AGBL4: variants seen among roughly 807,000 people sequenced by gnomAD.
AGBL4 encodes cytosolic carboxypeptidase 6.
A neutral mutation model predicts 66.4 loss-of-function variants in AGBL4; 58 were observed. That is an observed-to-expected ratio of 0.87 (90% CI 0.71 to 1.09). The LOEUF (loss-of-function observed/expected upper bound fraction) is 1.09, where lower values mean the gene tolerates loss of function less well. AGBL4 is among the 50% of genes least tolerant of loss of function. AGBL4 has a pLI of 0.00. For missense variants in AGBL4, 579 were observed against 631.0 expected, an observed-to-expected ratio of 0.92 and a Z score of 0.88; for synonymous variants, 234 against 222.9, an observed-to-expected ratio of 1.05 and a Z score of -0.44.
At chr1:49,549,517 C>T (rs1246501106) in intron 3 of AGBL4, among the ~76,000 whole-genome samples, 1 of 152,030 alleles carries the variant, frequency 6.6e-6, no homozygotes, top group Non-Finnish European at 1.5e-5. Context: ...TCTTAATCTC[C>T]ACCTTGATTT....
At chr1:48,701,489 T>G (rs762515176) in intron 6 of AGBL4, among the ~76,000 whole-genome samples, 1 of 151,944 alleles carries the variant, frequency 6.6e-6, no homozygotes, top group African/African-American at 2.4e-5. Flanking sequence ...TAGAGATAGA[T>G]CTCATTGTAT....
intron 6 of AGBL4, among the ~76,000 whole-genome samples, chr1:48,699,865 T>C (rs142804078): frequency 6.6e-6 from 1 of 152,054 alleles, no homozygotes; most frequent in Non-Finnish European, 1.5e-5. Context: ...TGCTCTGGGA[T>C]AACCCAAACC....
At chr1:49,831,752 T>C (rs1418420743) in intron 2 of AGBL4, among the ~76,000 whole-genome samples, 1 of 152,172 alleles carries the variant, frequency 6.6e-6, no homozygotes, top group Non-Finnish European at 1.5e-5. Context: ...GGGTTTGTCA[T>C]AAATAGCTCT....
chr1:49,304,428 G>T (rs1168432919), intron 3 of AGBL4, among the ~76,000 whole-genome samples: 1 of 152,174 alleles, frequency 6.6e-6, no homozygotes, highest in South Asian at 2.1e-4. Context: ...CACATAAGAG[G>T]TATTAGACTG....
At chr1:49,969,087 C>A (rs1307142714) in intron 1 of AGBL4, among the ~76,000 whole-genome samples, 8 of 152,132 alleles carry the variant, frequency 5.3e-5, no homozygotes, top group Non-Finnish European at 1.2e-4. Context: ...GACTGACAAG[C>A]AACAGTATTT....
At chr1:48,657,980 C>T (rs1646047361) in intron 7 of AGBL4, among the ~76,000 whole-genome samples, 1 of 152,148 alleles carries the variant, frequency 6.6e-6, no homozygotes, top group South Asian at 2.1e-4. Context: ...ATTTTTAGTG[C>T]CTAGCTCAGT....
At chr1:49,739,850 G>T (rs1650270404) in intron 2 of AGBL4, among the ~76,000 whole-genome samples, 1 of 152,102 alleles carries the variant, frequency 6.6e-6, no homozygotes, top group Non-Finnish European at 1.5e-5. Context: ...ACAAGCAAAT[G>T]CTGAGAGATT....
intron 3 of AGBL4, among the ~76,000 whole-genome samples, chr1:49,604,772 T>A (rs115226651): frequency 0.011 from 1,666 of 152,236 alleles, 27 homozygotes; most frequent in African/African-American, 0.038. Flanking sequence ...TCCCTCTGTT[T>A]ACTTTTATTA....
chr1:48,626,373 T>C (rs1645502695), intron 9 of AGBL4, among the ~76,000 whole-genome samples: 1 of 152,238 alleles, frequency 6.6e-6, no homozygotes, highest in Non-Finnish European at 1.5e-5. Context: ...TCTTTTCTTT[T>C]AGCAGATGGG....
chr1:48,968,066 A>G (rs546280638), intron 5 of AGBL4, among the ~76,000 whole-genome samples: 18 of 150,556 alleles, frequency 1.2e-4, no homozygotes, highest in Admixed American at 6.0e-4. Context: ...AGAGAGTAAA[A>G]TGTGAAAATC....
intron 5 of AGBL4, among the ~76,000 whole-genome samples, chr1:48,968,276 C>T (rs1478126274): frequency 1.3e-5 from 2 of 152,132 alleles, no homozygotes; most frequent in Non-Finnish European, 2.9e-5. Context: ...GGAGCCAGAT[C>T]ACATGTGGCC....
intron 3 of AGBL4, among the ~76,000 whole-genome samples, chr1:49,434,118 T>C (rs777256533): frequency 6.6e-6 from 1 of 152,188 alleles, no homozygotes; most frequent in Non-Finnish European, 1.5e-5. Context: ...TGGGAGAAAC[T>C]TCCTTCTGAC....
intron 5 of AGBL4, among the ~76,000 whole-genome samples, chr1:48,987,891 A>G (rs1300715687): frequency 2.6e-5 from 4 of 152,124 alleles, no homozygotes; most frequent in African/African-American, 9.7e-5. Flanking sequence ...GTGTGGTTCT[A>G]TGAAGACACC....
chr1:48,599,061 G>T (rs1020181198), intron 9 of AGBL4, among the ~76,000 whole-genome samples: 17 of 151,980 alleles, frequency 1.1e-4, no homozygotes, highest in African/African-American at 4.1e-4. Context: ...AGCTACATAG[G>T]ATCAAGATCA....
rs767550973 is a variant in AGBL4, at chr1:49,851,511, A to ATCAT, written c.38_41dup (p.Asp14GlufsTer2). On this transcript the variant is annotated stop_gained and frameshift_variant, in exon 2 of 14. Transcript: ENST00000371839. LOFTEE classifies it high-confidence loss of function. The stretch of plus-strand genomic sequence containing the variant: ...CTCCAATGGCATCATCATTTCCCAT[A>ATCAT]TCATTGCCTATTTAAAAAAATTGAA... The ATCAT allele has an allele frequency of 6.5e-7, 1 of 1,544,634 alleles. No individual in the cohort carries two copies. The highest frequency in any genetic ancestry group is 8.7e-7 in the Non-Finnish European group (1 of 1,144,794).
intron 3 of AGBL4, among the ~76,000 whole-genome samples, chr1:49,524,996 C>T (rs942542425): frequency 6.6e-6 from 1 of 152,026 alleles, no homozygotes; most frequent in Non-Finnish European, 1.5e-5. Context: ...TTTACGACTG[C>T]ATTATCTTGG....
At chr1:49,528,914 T>C (rs1570955767) in intron 3 of AGBL4, among the ~76,000 whole-genome samples, 1 of 151,996 alleles carries the variant, frequency 6.6e-6, no homozygotes, top group African/African-American at 2.4e-5. Flanking sequence ...TAGTAGGAGA[T>C]GAAGTTAGAG....
intron 2 of AGBL4, among the ~76,000 whole-genome samples, chr1:49,831,980 CT>C (rs71572688): frequency 0.056 from 8,137 of 145,546 alleles, 237 homozygotes; most frequent in African/African-American, 0.074. Flanking sequence ...GGTGGATAAG[CT>C]TTTTTTTTTT....
intron 3 of AGBL4, among the ~76,000 whole-genome samples, chr1:49,358,327 T>C (rs1158063318): frequency 6.6e-6 from 1 of 151,882 alleles, no homozygotes; most frequent in Non-Finnish European, 1.5e-5. Flanking sequence ...AGTTAAAGAT[T>C]AGATATAGAT....
Sources: gnomAD v4.1 joint callset for allele counts (sites outside exome capture counted in the v4.1 genomes callset) on GRCh38, gnomAD v4.1.1 for gene constraint, MANE v1.5 for transcripts, NCBI Gene and HGNC (gene_info 2026-07-23, HGNC 2026-07-21) for gene names.